Variants in MRPS6 observed in about 807,000 individuals in gnomAD.
The protein encoded by MRPS6 is small ribosomal subunit protein bS6m.
A neutral mutation model predicts 13.1 loss-of-function variants in MRPS6; 6 were observed. That is an observed-to-expected ratio of 0.46 (90% CI 0.25 to 0.91). MRPS6 has a LOEUF of 0.91. Ranked by LOEUF, MRPS6 falls within the 40% of genes least tolerant of loss-of-function variation. MRPS6 has a pLI of 0.18. For synonymous variants in MRPS6, 61 were observed against 56.5 expected (o/e 1.08, Z -0.36); for missense variants, 164 against 155.6 (o/e 1.05, Z -0.29).
chr21:34,075,267 C>A (rs559115967), intron 1 of MRPS6, among the ~76,000 whole-genome samples: 12 of 152,296 alleles, frequency 7.9e-5, no homozygotes, highest in African/African-American at 2.9e-4. Context: ...AAAGAGGCAA[C>A]CTGTAGGCAA....
intron 1 of MRPS6, among the ~76,000 whole-genome samples, chr21:34,116,448 A>C (rs1363607578): frequency 6.6e-6 from 1 of 151,714 alleles, no homozygotes; most frequent in Non-Finnish European, 1.5e-5. Context: ...GTACTTATTC[A>C]ATCAGTGGAA....
chr21:34,125,093 TG>T, intron 1 of MRPS6: 1 of 455,454 alleles, frequency 2.2e-6, no homozygotes, highest in African/African-American at 2.0e-5. Context: ...GGAGCTGCCC[TG>T]GTCCCTGAAC....
chr21:34,137,303 C>G (rs1179736644), intron 2 of MRPS6, among the ~76,000 whole-genome samples: 1 of 152,006 alleles, frequency 6.6e-6, no homozygotes, highest in East Asian at 1.9e-4. Context: ...GTCTTCTTAC[C>G]CGTGAACAAG....
intron 1 of MRPS6, among the ~76,000 whole-genome samples, chr21:34,092,969 AACAGC>A (rs1978781034): frequency 1.3e-5 from 2 of 152,244 alleles, no homozygotes; most frequent in African/African-American, 4.8e-5. Flanking sequence ...CATAACTGCG[AACAGC>A]AGTTTTCATT....
At chr21:34,091,378 A>G (rs575194823) in intron 1 of MRPS6, among the ~76,000 whole-genome samples, 1 of 152,228 alleles carries the variant, frequency 6.6e-6, no homozygotes, top group South Asian at 2.1e-4. Flanking sequence ...TTTTTTTGAT[A>G]GAGTGCCCAT....
chr21:34,104,829 C>T (rs1979405703), intron 1 of MRPS6: 2 of 999,910 alleles, frequency 2.0e-6, no homozygotes, highest in Non-Finnish European at 2.4e-6. Flanking sequence ...TGTACCTTTA[C>T]ATGTTTTTAA....
At chr21:34,075,828 A>G (rs1048370999) in intron 1 of MRPS6, among the ~76,000 whole-genome samples, 38 of 152,188 alleles carry the variant, frequency 2.5e-4, no homozygotes, top group Admixed American at 1.3e-4. Flanking sequence ...TAGGATTCTA[A>G]AATAGGATGA....
At chr21:34,123,701 C>T (rs1048505735) in intron 1 of MRPS6, 2 of 152,160 alleles carry the variant, frequency 1.3e-5, no homozygotes, top group South Asian at 2.1e-4. Flanking sequence ...ACCAACTTGC[C>T]CATGTGTTTT....
chr21:34,130,401 TGGAGGGGCTAGGCCTCTCCAGG>T (rs1294830614), intron 2 of MRPS6, among the ~76,000 whole-genome samples: 2 of 152,132 alleles, frequency 1.3e-5, no homozygotes, highest in African/African-American at 2.4e-5. Context: ...GACTGAATGG[TGGAGGGGCTAGGCCTCTCCAGG>T]GGAGGGGCAG....
At chr21:34,104,332 C>T (rs1979380773) in intron 1 of MRPS6, 6 of 998,746 alleles carry the variant, frequency 6.0e-6, no homozygotes, top group East Asian at 1.1e-4. Context: ...TAGAAGAAAA[C>T]GTATGTTCTT....
At chr21:34,093,552 T>C (rs1205554236) in intron 1 of MRPS6, among the ~76,000 whole-genome samples, 1 of 152,126 alleles carries the variant, frequency 6.6e-6, no homozygotes, top group Non-Finnish European at 1.5e-5. Flanking sequence ...TTTAGTATAA[T>C]TTATAGGACT....
chr21:34,099,570 A>T, intron 1 of MRPS6: 1 of 999,374 alleles, frequency 1.0e-6, no homozygotes. Flanking sequence ...TATCTCTTCC[A>T]TATCCAGCGT....
chr21:34,108,764 C>G (rs1019617734), intron 1 of MRPS6, among the ~76,000 whole-genome samples: 1 of 152,156 alleles, frequency 6.6e-6, no homozygotes, highest in African/African-American at 2.4e-5. Context: ...AAGCACTTTC[C>G]TTCAGAAATT....
intron 1 of MRPS6, chr21:34,095,258 C>G: frequency 6.2e-7 from 1 of 1,614,076 alleles, no homozygotes; most frequent in Non-Finnish European, 8.5e-7. Flanking sequence ...TTATCCTGGT[C>G]ATGTGCATTG....
chr21:34,104,524 C>T, intron 1 of MRPS6: 4 of 997,804 alleles, frequency 4.0e-6, no homozygotes, highest in South Asian at 9.4e-5. Context: ...TAGGGAAAGA[C>T]TTGGTCAACT....
intron 1 of MRPS6, among the ~76,000 whole-genome samples, chr21:34,074,696 A>T (rs1044811464): frequency 6.6e-6 from 1 of 152,198 alleles, no homozygotes; most frequent in African/African-American, 2.4e-5. Context: ...CACCAGGTGT[A>T]ATAAAACAAA....
chr21:34,138,408 T>G (rs1020531746), intron 2 of MRPS6, among the ~76,000 whole-genome samples: 2 of 152,176 alleles, frequency 1.3e-5, no homozygotes, highest in Non-Finnish European at 2.9e-5. Flanking sequence ...TTTAAGTCTT[T>G]AATCCATCTT....
intron 1 of MRPS6, chr21:34,099,518 A>G (rs1979134205): frequency 1.0e-6 from 1 of 998,462 alleles, no homozygotes; most frequent in Non-Finnish European, 1.2e-6. Context: ...GAACCACATT[A>G]CTGTGTAATT....
intron 1 of MRPS6, among the ~76,000 whole-genome samples, chr21:34,084,934 C>G (rs970832743): frequency 2.0e-5 from 3 of 151,896 alleles, no homozygotes; most frequent in Admixed American, 6.6e-5. Context: ...TTTTTTTAAT[C>G]TGCGTTATTT....
Sources: allele counts gnomAD v4.1 joint callset (sites outside exome capture counted in the v4.1 genomes callset), GRCh38; gene constraint gnomAD v4.1.1; transcripts MANE v1.5; gene names NCBI Gene and HGNC (gene_info 2026-07-23, HGNC 2026-07-21).